Variants in GNG2 observed in about 807,000 individuals in gnomAD.
GNG2 encodes guanine nucleotide-binding protein G(I)/G(S)/G(O) subunit gamma-2.
A neutral mutation model predicts 5.5 loss-of-function variants in GNG2; 5 were observed. The observed-to-expected ratio is 0.91, with a 90% CI of 0.48 to 1.92. The LOEUF (loss-of-function observed/expected upper bound fraction) is 1.92, where lower values mean the gene tolerates loss of function less well. GNG2 is among the 30% of genes most tolerant of loss of function. The pLI, the probability that GNG2 is intolerant of heterozygous loss-of-function variation, is 0.01. For missense variants in GNG2, 55 were observed against 88.4 expected (o/e 0.62, Z 1.52); for synonymous variants, 28 against 32.0 (o/e 0.88, Z 0.42).
At chr14:51,854,391 C>T (rs1882051993) in intron 2 of GNG2, among the ~76,000 whole-genome samples, 1 of 152,214 alleles carries the variant, frequency 6.6e-6, no homozygotes, top group African/African-American at 2.4e-5. Flanking sequence ...ACATACAAGG[C>T]AGCCCTGGTC....
At chr14:51,843,013 G>C (rs985482780) in intron 2 of GNG2, among the ~76,000 whole-genome samples, 4 of 152,130 alleles carry the variant, frequency 2.6e-5, no homozygotes, top group African/African-American at 9.7e-5. Context: ...GGAGAACTCT[G>C]CTGTTAATCT....
intron 2 of GNG2, among the ~76,000 whole-genome samples, chr14:51,854,240 C>T (rs1327370776): frequency 6.6e-6 from 1 of 152,170 alleles, no homozygotes; most frequent in Non-Finnish European, 1.5e-5. Context: ...TTCGCAGAAT[C>T]AGTGTTTCTG....
rs944918627 is a variant in GNG2, at chr14:51,928,079, C to T, written c.-29-22571C>T. On this transcript the variant is annotated intron_variant, in intron 2 of 3. Transcript: ENST00000556766. ...TGAGTCTCGCTCCGTCATCCAGGCT[C>T]GACTGCAGTGGCAAGATCGTGGCTC... Among the ~76,000 whole-genome samples, 9 of 140,058 alleles carry T rather than the reference C, an allele frequency of 6.4e-5. No individual in the cohort carries two copies. The East Asian group carries it at 1.0e-3, about 16-fold the overall frequency. The allele number at this position is 140,058 out of a possible 152,430, so 91.9% of individuals were successfully genotyped here. A position where few individuals can be genotyped will look rare whatever the true frequency, so the allele number is the denominator to read the frequency against.
In GNG2 at chr14:51,847,881, C is replaced by CTT. The variant is rs540204195; in HGVS notation, c.64+20100_64+20101dup. Among the ~76,000 whole-genome samples, 101 of 48,204 alleles carry CTT rather than the reference C, an allele frequency of 2.1e-3. 5 individuals are homozygous for CTT. The highest frequency in any genetic ancestry group is 5.2e-3 in the African/African-American group (97 of 18,484). 31.6% of individuals were successfully genotyped at this position (48,204 alleles called of 152,430 possible). On this transcript the variant is annotated intron_variant, in intron 2 of 3. Coordinates refer to the GNG2 transcript ENST00000553432. ...TACTCTATGAATACAGGTCCTTTTTCTTTTTTTTTTTTTTTTTTTTTTTTT... is the reference window on the plus strand; with the variant it reads ...TACTCTATGAATACAGGTCCTTTTTCTTTTTTTTTTTTTTTTTTTTTTTTTTT...
At chr14:51,952,374 T>C (rs1889029492) in intron 3 of GNG2, among the ~76,000 whole-genome samples, 1 of 152,222 alleles carries the variant, frequency 6.6e-6, no homozygotes, top group South Asian at 2.1e-4. Context: ...TTCTCCTCTT[T>C]TCTTGCTTCT....
At chr14:51,854,816 C>T (rs1048401675) in intron 2 of GNG2, among the ~76,000 whole-genome samples, 13 of 152,202 alleles carry the variant, frequency 8.5e-5, no homozygotes, top group African/African-American at 1.4e-4. Context: ...CCCGGCCGGC[C>T]GTGGCTCTTT....
At chr14:51,903,871 C>A (rs1217896300) in intron 2 of GNG2, among the ~76,000 whole-genome samples, 1 of 152,186 alleles carries the variant, frequency 6.6e-6, no homozygotes, top group Admixed American at 6.5e-5. Flanking sequence ...AATCAAATAA[C>A]CTTTGCTGCA....
At chr14:51,906,979 T>C (rs1420481924) in intron 2 of GNG2, among the ~76,000 whole-genome samples, 3 of 152,088 alleles carry the variant, frequency 2.0e-5, no homozygotes, top group African/African-American at 7.2e-5. Flanking sequence ...ATGGTCTCGA[T>C]CTCCTGACCT....
At chr14:51,949,622 G>A (rs1013357028) in intron 2 of GNG2, among the ~76,000 whole-genome samples, 1 of 152,130 alleles carries the variant, frequency 6.6e-6, no homozygotes, top group African/African-American at 2.4e-5. Context: ...ATGCACTCTA[G>A]TCAAATCAAA....
intron 2 of GNG2, among the ~76,000 whole-genome samples, chr14:51,926,626 G>T (rs1433018862): frequency 1.3e-5 from 2 of 152,200 alleles, no homozygotes; most frequent in East Asian, 3.9e-4. Context: ...GCACGCTGGG[G>T]TGGAGCCTCA....
chr14:51,917,795 C>A (rs1368025516), intron 2 of GNG2, among the ~76,000 whole-genome samples: 1 of 152,004 alleles, frequency 6.6e-6, no homozygotes, highest in Non-Finnish European at 1.5e-5. Context: ...CCTTGGAAGG[C>A]CAAGGTGGGC....
upstream of GNG2, among the ~76,000 whole-genome samples, chr14:51,857,471 T>C (rs1367888875): frequency 6.6e-6 from 1 of 152,150 alleles, no homozygotes; most frequent in East Asian, 1.9e-4. Flanking sequence ...AAGGCATATA[T>C]CCTGTAAGCA....
intron 2 of GNG2, among the ~76,000 whole-genome samples, chr14:51,926,689 G>A (rs921796262): frequency 2.0e-5 from 3 of 152,156 alleles, no homozygotes; most frequent in Admixed American, 2.0e-4. Context: ...TCCTTTTCCG[G>A]TGTGGAACCT....
rs1010381423 is a variant in GNG2, at chr14:51,968,346, C to T, written c.*1659C>T. On this transcript the variant is annotated 3_prime_UTR_variant, in exon 4 of 4. Transcript: ENST00000556766. ...TTTTATTGTCTCTTTCCTCTCTATTCGCTTTCTCCTGTTTTTTTTTTAAAA... is the reference window on the plus strand; with the variant it reads ...TTTTATTGTCTCTTTCCTCTCTATTTGCTTTCTCCTGTTTTTTTTTTAAAA... The T allele has an allele frequency of 6.0e-5, 9 of 150,054 alleles. No individual in the cohort carries two copies. The highest frequency in any genetic ancestry group is 4.0e-4 in the East Asian group (2 of 5,004). 9.3% of individuals were successfully genotyped at this position (150,054 alleles called of 1,614,324 possible).
At chr14:51,942,200 TA>T (rs1335229663) in intron 2 of GNG2, among the ~76,000 whole-genome samples, 17 of 152,212 alleles carry the variant, frequency 1.1e-4, no homozygotes, top group African/African-American at 3.9e-4. Context: ...CATAAGAATA[TA>T]AAAACCCAGT....
chr14:51,906,157 G>A (rs371155787), intron 2 of GNG2, among the ~76,000 whole-genome samples: 1 of 152,228 alleles, frequency 6.6e-6, no homozygotes, highest in East Asian at 1.9e-4. Flanking sequence ...CTTCCCAAAT[G>A]AGGCAAGAAT....
chr14:51,837,464 G>T (rs1881362758), intron 2 of GNG2, among the ~76,000 whole-genome samples: 1 of 151,916 alleles, frequency 6.6e-6, no homozygotes, highest in Non-Finnish European at 1.5e-5. Flanking sequence ...TGCCAACATG[G>T]TGAAACACTG....
At chr14:51,857,352 A>C (rs981453440), upstream of GNG2, among the ~76,000 whole-genome samples, 6 of 152,230 alleles carry the variant, frequency 3.9e-5, no homozygotes, top group South Asian at 1.0e-3. Context: ...GCACAGTCCC[A>C]TCAGGAACCT....
intron 2 of GNG2, among the ~76,000 whole-genome samples, chr14:51,843,979 C>A (rs770162526): frequency 6.6e-6 from 1 of 152,212 alleles, no homozygotes; most frequent in African/African-American, 2.4e-5. Context: ...TCCACCGTGG[C>A]TCTAAAGACT....
Sources: gnomAD v4.1 joint callset for allele counts (sites outside exome capture counted in the v4.1 genomes callset) on GRCh38, gnomAD v4.1.1 for gene constraint, MANE v1.5 for transcripts, NCBI Gene and HGNC (gene_info 2026-07-23, HGNC 2026-07-21) for gene names.